The following EMILIN2 variants were observed in gnomAD, a reference collection of about 807,000 sequenced individuals.
EMILIN2 encodes the protein EMILIN-2.
In EMILIN2, 71 loss-of-function variants were observed where a neutral mutation model predicts 87.1. That is an observed-to-expected ratio of 0.82 (90% CI 0.67 to 0.99). The LOEUF is 0.99. Among genes scored for constraint, EMILIN2 ranks in the 50% least tolerant of loss-of-function variants. EMILIN2 has a pLI of 0.00. For synonymous variants in EMILIN2, 581 were observed against 563.4 expected, an observed-to-expected ratio of 1.03 and a Z score of -0.44; for missense variants, 1,407 against 1,371.8, an observed-to-expected ratio of 1.03 and a Z score of -0.40.
intron 2 of EMILIN2, among the ~76,000 whole-genome samples, chr18:2,850,093 A>ATTTTTTT (rs71366611): frequency 8.2e-6 from 1 of 122,540 alleles, no homozygotes; most frequent in African/African-American, 3.1e-5. Flanking sequence ...TGCCCAGCTA[A>ATTTTTTT]TTTTTTTTTT....
intron 2 of EMILIN2, among the ~76,000 whole-genome samples, chr18:2,873,079 T>C (rs2076728500): frequency 6.6e-6 from 1 of 151,692 alleles, no homozygotes. Context: ...AAAAACTTAA[T>C]TTTAAAGAAA....
At chr18:2,865,365 A>G in intron 2 of EMILIN2, among the ~76,000 whole-genome samples, 1 of 151,964 alleles carries the variant, frequency 6.6e-6, no homozygotes, top group East Asian at 1.9e-4. Flanking sequence ...TTGATCTTTG[A>G]TGATGGTGAC....
At chr18:2,866,114 T>G (rs966413230) in intron 2 of EMILIN2, among the ~76,000 whole-genome samples, 1 of 152,142 alleles carries the variant, frequency 6.6e-6, no homozygotes, top group Non-Finnish European at 1.5e-5. Flanking sequence ...TGTCACCCCT[T>G]TCTTTGATTA....
chr18:2,908,031 C>T (rs868081151), intron 5 of EMILIN2, among the ~76,000 whole-genome samples: 13 of 152,204 alleles, frequency 8.5e-5, no homozygotes, highest in African/African-American at 2.9e-4. Context: ...TGGGTCACTG[C>T]TGAGAAGACA....
At position 2,901,573 on chromosome 18, in the gene EMILIN2, G is replaced by A. The variant is rs145215635; in HGVS notation, c.2360-5210G>A. On this transcript the variant is annotated intron_variant, in intron 4 of 7. Transcript: ENST00000254528. ...GTGAGGCTGTGACCCTACCCGACCCGTGCGGAGTGTCAGGCAGGCCTGGTG... is the reference window on the plus strand; with the variant it reads ...GTGAGGCTGTGACCCTACCCGACCCATGCGGAGTGTCAGGCAGGCCTGGTG... 3.4e-3 allele frequency among the ~76,000 whole-genome samples: 512 copies of A among 152,334 alleles called. 7 individuals are homozygous for A. Among genetic ancestry groups the A allele is most frequent in the African/African-American group, 0.011 (473 of 41,574 alleles).
Position 2,913,479 on chromosome 18 carries a change from G to A in EMILIN2, c.*75G>A. The A allele has an allele frequency of 8.1e-7, 1 of 1,241,716 alleles. No individual in the cohort carries two copies. Among genetic ancestry groups the A allele is most frequent in the Non-Finnish European group, 1.1e-6 (1 of 898,918 alleles). The allele number at this position is 1,241,716 out of a possible 1,614,324, so 76.9% of individuals were successfully genotyped here. On this transcript the variant is annotated 3_prime_UTR_variant, in exon 8 of 8. Transcript: ENST00000254528. ...AAGCTTTAATATATTCGGTTTGTAT[G>A]TAATGGAAGCACGGGGCTAGAGTTT...
intron 2 of EMILIN2, among the ~76,000 whole-genome samples, chr18:2,877,100 T>C (rs1392995469): frequency 6.6e-6 from 1 of 152,218 alleles, no homozygotes; most frequent in East Asian, 1.9e-4. Context: ...AGTGGGAGAC[T>C]GTTTCAGACT....
At chr18:2,902,540 G>A (rs893438711) in intron 4 of EMILIN2, among the ~76,000 whole-genome samples, 4 of 152,116 alleles carry the variant, frequency 2.6e-5, no homozygotes, top group African/African-American at 9.7e-5. Context: ...GCTGGAAGAG[G>A]CCATTTCAGG....
intron 2 of EMILIN2, among the ~76,000 whole-genome samples, chr18:2,868,087 C>T (rs568389505): frequency 2.5e-3 from 378 of 152,016 alleles, no homozygotes; most frequent in African/African-American, 8.7e-3. Context: ...TCAGATGGAG[C>T]GGCTGCCGGG....
chr18:2,887,757 A>G (rs1166946782), intron 3 of EMILIN2, among the ~76,000 whole-genome samples: 3 of 152,124 alleles, frequency 2.0e-5, no homozygotes. Context: ...TACAGAATGG[A>G]CAAACATACC....
chr18:2,912,376 T>C (rs563595472), intron 7 of EMILIN2, among the ~76,000 whole-genome samples: 1 of 152,262 alleles, frequency 6.6e-6, no homozygotes, highest in African/African-American at 2.4e-5. Context: ...CCCTCCGCTT[T>C]ATGTCCACTC....
intron 2 of EMILIN2, among the ~76,000 whole-genome samples, chr18:2,858,583 G>GTGTATATATATATA (rs1180735843): frequency 3.5e-4 from 22 of 63,034 alleles, no homozygotes; most frequent in African/African-American, 1.8e-3. Flanking sequence ...GTGTGTGTGT[G>GTGTATATATATATA]TATATATATA....
Position 2,913,437 on chromosome 18 carries a change from T to G in EMILIN2, c.*33T>G. ...GGGGAGATGTCAGGGGAAAGATAGA[T>G]AGTTGTAAAAACTCTAAAGCTTTAA... On this transcript the variant is annotated 3_prime_UTR_variant, in exon 8 of 8. Coordinates refer to ENST00000254528, the MANE Select transcript of EMILIN2 (RefSeq NM_032048.3). The G allele has an allele frequency of 6.7e-7, 1 of 1,497,332 alleles. No homozygotes were observed. Among genetic ancestry groups the G allele is most frequent in the Non-Finnish European group, 9.0e-7 (1 of 1,108,630 alleles). The allele number at this position is 1,497,332 out of a possible 1,614,324, so 92.8% of individuals were successfully genotyped here.
At chr18:2,868,353 G>A (rs936698179) in intron 2 of EMILIN2, among the ~76,000 whole-genome samples, 1 of 152,088 alleles carries the variant, frequency 6.6e-6, no homozygotes, top group East Asian at 1.9e-4. Flanking sequence ...CATCCCAGAC[G>A]ATGGGCGGCC....
chr18:2,879,283 G>A (rs1371231459), intron 2 of EMILIN2, among the ~76,000 whole-genome samples: 1 of 152,202 alleles, frequency 6.6e-6, no homozygotes, highest in East Asian at 1.9e-4. Context: ...TGCAAGTGCG[G>A]CCACTGGCAT....
chr18:2,849,247 A>G (rs2076591880), intron 2 of EMILIN2, among the ~76,000 whole-genome samples: 1 of 152,204 alleles, frequency 6.6e-6, no homozygotes, highest in Non-Finnish European at 1.5e-5. Context: ...AGTGATACAA[A>G]CTAAGTATTC....
At chr18:2,865,794 C>G (rs1172119455) in intron 2 of EMILIN2, among the ~76,000 whole-genome samples, 2 of 152,218 alleles carry the variant, frequency 1.3e-5, no homozygotes, top group Admixed American at 6.5e-5. Context: ...TTTGGCTATG[C>G]CCTGCCCCCA....
chr18:2,908,958 C>T lies in EMILIN2; in HGVS notation c.2678C>T (p.Pro893Leu), dbSNP rs116613049. The T allele has an allele frequency of 9.7e-4, 1,570 of 1,613,520 alleles. 12 individuals are homozygous for T. The African/African-American group carries it at 0.019, about 19-fold the overall frequency. The change falls in exon 6 of 8, where the codon CCT becomes CTT. Residue 893 changes from proline (P) to leucine (L), a missense_variant. By Grantham distance (98) the Pro-to-Leu change is moderately conservative. Coordinates refer to ENST00000254528, the MANE Select transcript of EMILIN2 (RefSeq NM_032048.3). ...FAGAPGYPKS[P>L]PVASPGAPVP... ...TGTTTTTCAGGATACCCGAAGTCAC[C>T]TCCTGTAGCTTCCCCAGGTATGTCT...
In EMILIN2 at chr18:2,891,296, C is replaced by T. The variant is rs2076835099; in HGVS notation, c.1169C>T (p.Pro390Leu). 6.2e-7 allele frequency: 1 copy of T among 1,614,084 alleles called. No homozygotes were observed. The highest frequency in any genetic ancestry group is 2.2e-5 in the East Asian group (1 of 44,892). ...AACCTCCGAGCCCGGCTACAGGAGC[C>T]TTCAGCCCAGGCAAATTGCTGCGAC... Reference protein sequence around the residue: ...INNLRARLQEPSAQANCCDSE... With the variant: ...INNLRARLQELSAQANCCDSE... Residue 390 changes from proline (P) to leucine (L), a missense_variant, in exon 4 of 8, where the codon CCT (proline) becomes CTT (leucine). Physicochemically the swap from Pro to Leu is moderately conservative, Grantham distance 98. Coordinates refer to ENST00000254528, the MANE Select transcript of EMILIN2 (RefSeq NM_032048.3). This position sits in a 1 kb window ranked among gnomAD's most constrained non-coding sequence, Gnocchi z 4.6.
Sources: gnomAD v4.1 joint callset for allele counts (sites outside exome capture counted in the v4.1 genomes callset) on GRCh38, gnomAD v4.1.1 for gene constraint, Gnocchi (gnomAD v3.1) non-coding constraint, MANE v1.5 for transcripts, NCBI Gene and HGNC (gene_info 2026-07-23, HGNC 2026-07-21) for gene names.